FAM124B: variants seen among roughly 807,000 people sequenced by gnomAD.
FAM124B encodes the protein family with sequence similarity 124 member B.
A neutral mutation model predicts 19.7 loss-of-function variants in FAM124B; 18 were observed. That is an observed-to-expected ratio of 0.92 (90% CI 0.63 to 1.36). FAM124B has a LOEUF of 1.36. FAM124B is among the 40% of genes most tolerant of loss of function. FAM124B has a pLI of 0.00. For synonymous variants in FAM124B, 223 were observed against 225.2 expected (o/e 0.99, Z 0.09); for missense variants, 540 against 553.3 (o/e 0.98, Z 0.24).
chr2:224,392,163 G>A (rs149069493), intron 1 of FAM124B, among the ~76,000 whole-genome samples: 41 of 152,230 alleles, frequency 2.7e-4, no homozygotes, highest in African/African-American at 8.9e-4. Flanking sequence ...AGGATTTGGC[G>A]CTGGCACGGT....
chr2:224,388,477 C>G (rs900625255), intron 1 of FAM124B, among the ~76,000 whole-genome samples: 1 of 152,134 alleles, frequency 6.6e-6, no homozygotes, highest in African/African-American at 2.4e-5. Flanking sequence ...CACAAAGAGA[C>G]AAATATTGTA....
At position 224,401,284 on chromosome 2, in the gene FAM124B, C is replaced by T. The variant is rs1355375431; in HGVS notation, c.485G>A (p.Arg162Lys). ...AIRLYEMILQREATLQKSNFC... is the reference protein window; with the variant it reads ...AIRLYEMILQKEATLQKSNFC... ...ATTGCTCTTTTGCAAGGTCGCTTCT[C>T]TCTGCAGGATCATCTCGTAGAGTCT... Residue 162 changes from arginine to lysine, a missense_variant, in exon 1 of 2, where the codon AGA becomes AAA. Physicochemically the swap from Arg to Lys is conservative, Grantham distance 26. Coordinates refer to ENST00000409685, the MANE Select transcript of FAM124B (RefSeq NM_001122779.2). 2 of 1,614,068 alleles carry T rather than the reference C, an allele frequency of 1.2e-6. No individual in the cohort carries two copies. The highest frequency in any genetic ancestry group is 1.1e-5 in the South Asian group (1 of 91,082).
chr2:224,401,561 A>T lies in FAM124B; in HGVS notation c.208T>A (p.Leu70Met). Residue 70 changes from leucine (L) to methionine (M), a missense_variant, in exon 1 of 2, where the codon TTG (leucine) becomes ATG (methionine). Leu to Met is a conservative substitution (Grantham distance 15). Coordinates refer to ENST00000409685, the MANE Select transcript of FAM124B (RefSeq NM_001122779.2). ...KRSRFPGMSV[L>M]LFLHESPGED... ...CCCGGGCTTTCGTGCAGGAAGAGCA[A>T]CACGGACATCCCTGGAAACCGGGAC... 1 of 1,614,198 alleles carries T rather than the reference A, an allele frequency of 6.2e-7. No individual in the cohort carries two copies. Among genetic ancestry groups the T allele is most frequent in the Non-Finnish European group, 8.5e-7 (1 of 1,180,022 alleles).
rs1410794148 is a variant in FAM124B at position 224,378,883 on chromosome 2, T to C, written c.*690A>G. 2.6e-5 allele frequency: 4 copies of C among 152,222 alleles called. No individual in the cohort carries two copies. In the East Asian group the frequency reaches 7.7e-4, roughly 29 times the overall value. The allele number at this position is 152,222 out of a possible 1,614,324, so 9.4% of individuals were successfully genotyped here. A position where few individuals can be genotyped will look rare whatever the true frequency, so the allele number is the denominator to read the frequency against. ...CTTTGGTTTGTAACAAGAACCACTGTCCTCTTTGACATAGTGCAGAAACAA... is the reference window on the plus strand; with the variant it reads ...CTTTGGTTTGTAACAAGAACCACTGCCCTCTTTGACATAGTGCAGAAACAA... On this transcript the variant is annotated 3_prime_UTR_variant, in exon 2 of 2. Transcript: ENST00000409685.
At chr2:224,390,548 T>C (rs1689864329) in intron 1 of FAM124B, among the ~76,000 whole-genome samples, 1 of 151,318 alleles carries the variant, frequency 6.6e-6, no homozygotes. Flanking sequence ...GCTCATCGAG[T>C]GAGCAAACAA....
At chr2:224,397,102 C>A (rs1191815902) in intron 1 of FAM124B, among the ~76,000 whole-genome samples, 1 of 152,102 alleles carries the variant, frequency 6.6e-6, no homozygotes, top group Non-Finnish European at 1.5e-5. Flanking sequence ...GTGTCCTCAC[C>A]CAAATTTCAT....
At chr2:224,385,230 A>C (rs1689785101) in intron 1 of FAM124B, among the ~76,000 whole-genome samples, 1 of 152,144 alleles carries the variant, frequency 6.6e-6, no homozygotes, top group Non-Finnish European at 1.5e-5. Flanking sequence ...GCTCTTGCCA[A>C]GGTCATCTAC....
chr2:224,384,541 A>G (rs1689772164), intron 1 of FAM124B, among the ~76,000 whole-genome samples: 1 of 152,104 alleles, frequency 6.6e-6, no homozygotes, highest in Non-Finnish European at 1.5e-5. Flanking sequence ...GTGCCCCATG[A>G]TGGCGTGGTT....
intron 1 of FAM124B, chr2:224,400,460 G>T (rs1399062915): frequency 1.4e-6 from 1 of 697,596 alleles, no homozygotes; most frequent in East Asian, 2.7e-5. Flanking sequence ...GAGCTATGAT[G>T]GCACCACCGC....
intron 1 of FAM124B, among the ~76,000 whole-genome samples, chr2:224,382,658 C>G (rs900790892): frequency 2.0e-5 from 3 of 152,152 alleles, no homozygotes; most frequent in Admixed American, 6.5e-5. Context: ...ATCCATCCAC[C>G]TTGGCCTCCC....
Position 224,401,853 on chromosome 2 carries a change from G to C in FAM124B, c.-85C>G. On this transcript the variant is annotated 5_prime_UTR_variant, in exon 1 of 2. Coordinates refer to ENST00000409685, the MANE Select transcript of FAM124B (RefSeq NM_001122779.2). ...CTGAAATGAATGAAGAAGCGGCCCA[G>C]CCTTCAGCCCGCCTGAAAACCTTCA... 1.4e-6 allele frequency: 2 copies of C among 1,479,516 alleles called. No homozygotes were observed. The highest frequency in any genetic ancestry group is 1.8e-6 in the Non-Finnish European group (2 of 1,100,616). The allele number at this position is 1,479,516 out of a possible 1,614,324, so 91.6% of individuals were successfully genotyped here. A position where few individuals can be genotyped will look rare whatever the true frequency, so the allele number is the denominator to read the frequency against.
intron 1 of FAM124B, among the ~76,000 whole-genome samples, chr2:224,383,743 C>T (rs893259480): frequency 5.9e-5 from 9 of 152,176 alleles, no homozygotes; most frequent in African/African-American, 2.2e-4. Context: ...CCCTGGAGAA[C>T]AAACTCCCTT....
At chr2:224,393,913 TGGA>T (rs949675132) in intron 1 of FAM124B, among the ~76,000 whole-genome samples, 1 of 152,080 alleles carries the variant, frequency 6.6e-6, no homozygotes, top group Non-Finnish European at 1.5e-5. Context: ...CAGTTACTGG[TGGA>T]GGACACAGGG....
At chr2:224,387,706 TG>T (rs1306181655) in intron 1 of FAM124B, among the ~76,000 whole-genome samples, 1 of 145,006 alleles carries the variant, frequency 6.9e-6, no homozygotes, top group Non-Finnish European at 1.5e-5. Flanking sequence ...GTGTGTGTGT[TG>T]GGGGTGGGGT....
chr2:224,393,352 C>A (rs768587435), intron 1 of FAM124B, among the ~76,000 whole-genome samples: 1 of 152,200 alleles, frequency 6.6e-6, no homozygotes. Flanking sequence ...TGGTACACCC[C>A]AGACTGTACT....
chr2:224,382,005 G>C (rs1277984699), intron 1 of FAM124B, among the ~76,000 whole-genome samples: 1 of 152,124 alleles, frequency 6.6e-6, no homozygotes, highest in African/African-American at 2.4e-5. Flanking sequence ...ATATTTGTTT[G>C]TATAGATGAC....
chr2:224,384,304 C>G (rs1689769433), intron 1 of FAM124B, among the ~76,000 whole-genome samples: 1 of 152,182 alleles, frequency 6.6e-6, no homozygotes, highest in Non-Finnish European at 1.5e-5. Context: ...CTCCCAATCC[C>G]CAGCTTCTCC....
intron 1 of FAM124B, among the ~76,000 whole-genome samples, chr2:224,393,755 T>C (rs1689925557): frequency 6.6e-6 from 1 of 152,186 alleles, no homozygotes; most frequent in Non-Finnish European, 1.5e-5. Flanking sequence ...CTAGAAGTAC[T>C]TGTAAGTTAT....
At chr2:224,382,303 TA>T (rs1689734622) in intron 1 of FAM124B, among the ~76,000 whole-genome samples, 1 of 152,314 alleles carries the variant, frequency 6.6e-6, no homozygotes, top group African/African-American at 2.4e-5. Flanking sequence ...TCATATTTTT[TA>T]TGTGTCATGA....
Sources: gnomAD v4.1 joint callset for allele counts (sites outside exome capture counted in the v4.1 genomes callset) on GRCh38, gnomAD v4.1.1 for gene constraint, MANE v1.5 for transcripts, NCBI Gene and HGNC (gene_info 2026-07-23, HGNC 2026-07-21) for gene names.